Variants in PRMT3 observed in about 807,000 individuals in gnomAD.
The protein encoded by PRMT3 is protein arginine N-methyltransferase 3.
PRMT3 carries 62 observed loss-of-function variants against 71.9 expected under a neutral mutation model. The observed-to-expected ratio is 0.86, with a 90% CI of 0.70 to 1.07. The LOEUF (loss-of-function observed/expected upper bound fraction) is 1.07. PRMT3 is among the 50% of genes least tolerant of loss of function. PRMT3 has a pLI of 0.00. For missense variants in PRMT3, 663 were observed against 643.0 expected, an observed-to-expected ratio of 1.03 and a Z score of -0.34; for synonymous variants, 213 against 220.4, an observed-to-expected ratio of 0.97 and a Z score of 0.30.
intron 9 of PRMT3, among the ~76,000 whole-genome samples, chr11:20,416,123 C>G (rs1223764022): frequency 6.6e-6 from 1 of 152,150 alleles, no homozygotes; most frequent in African/African-American, 2.4e-5. Context: ...ATTAATGCAT[C>G]TGCACTTAAC....
At chr11:20,488,542 C>T (rs1851133784) in intron 13 of PRMT3, among the ~76,000 whole-genome samples, 1 of 152,118 alleles carries the variant, frequency 6.6e-6, no homozygotes. Context: ...ATCAAAAGCA[C>T]ATTATCCTCC....
chr11:20,442,191 G>A (rs1002177750), intron 10 of PRMT3, among the ~76,000 whole-genome samples: 1 of 151,998 alleles, frequency 6.6e-6, no homozygotes, highest in African/African-American at 2.4e-5. Context: ...TATCTCATAA[G>A]AAATGTACAG....
At chr11:20,388,363 A>G (rs1005371894) in intron 2 of PRMT3, among the ~76,000 whole-genome samples, 1 of 152,242 alleles carries the variant, frequency 6.6e-6, no homozygotes, top group Non-Finnish European at 1.5e-5. Context: ...TTGTACTGCA[A>G]GCTTTTGACT....
In PRMT3 at chr11:20,471,903, A is replaced by AAG. The variant is rs1403906928; in HGVS notation, c.1347+7360_1347+7361dup. Among the ~76,000 whole-genome samples, 6 of 152,014 alleles carry AAG rather than the reference A, an allele frequency of 3.9e-5. No individual in the cohort carries two copies. The South Asian group carries it at 1.2e-3, about 32-fold the overall frequency. On this transcript the variant is annotated intron_variant, in intron 13 of 15. Transcript: ENST00000331079. Reference sequence around the variant, plus strand: ...GAGCAGTGGTTTGCAGTTCTCCTTGAAGAGGTCCTTCACTTCCCTCGTTAG... The same window carrying AAG: ...GAGCAGTGGTTTGCAGTTCTCCTTGAAGAGAGGTCCTTCACTTCCCTCGTTAG...
intron 7 of PRMT3, among the ~76,000 whole-genome samples, chr11:20,400,183 G>T (rs1848917825): frequency 6.6e-6 from 1 of 152,138 alleles, no homozygotes; most frequent in Non-Finnish European, 1.5e-5. Context: ...ATTTAAAATT[G>T]AGAAATCATA....
intron 13 of PRMT3, among the ~76,000 whole-genome samples, chr11:20,475,652 C>CTTTTTT (rs59969495): frequency 4.0e-5 from 4 of 100,546 alleles, no homozygotes; most frequent in African/African-American, 1.1e-4. Flanking sequence ...TACTTAATGT[C>CTTTTTT]TTTTTTTTTT....
intron 15 of PRMT3, among the ~76,000 whole-genome samples, chr11:20,505,542 A>G (rs1416917251): frequency 2.6e-5 from 4 of 152,220 alleles, no homozygotes; most frequent in Non-Finnish European, 5.9e-5. Flanking sequence ...CCAAGTTGGC[A>G]ATTACTATTC....
chr11:20,439,660 GATA>G (rs1269813259), intron 10 of PRMT3, among the ~76,000 whole-genome samples: 3 of 152,178 alleles, frequency 2.0e-5, no homozygotes, highest in Non-Finnish European at 4.4e-5. Context: ...AGTAAGTGGA[GATA>G]ATATTACCAT....
In PRMT3 at chr11:20,440,762, G is replaced by A. The variant is rs117663740; in HGVS notation, c.994-11368G>A. Reference sequence around the variant, plus strand: ...GAAGCATCCACTGAGTACTTACTGTGTCCCAAGCACTGGTTACTGTTGTGT... The same window carrying A: ...GAAGCATCCACTGAGTACTTACTGTATCCCAAGCACTGGTTACTGTTGTGT... On this transcript the variant is annotated intron_variant, in intron 10 of 15. Coordinates refer to ENST00000331079, the MANE Select transcript of PRMT3 (RefSeq NM_005788.4). Among the ~76,000 whole-genome samples the A allele has an allele frequency of 1.6e-3, 250 of 152,148 alleles. 4 individuals are homozygous for A. In the East Asian group the frequency reaches 0.037, roughly 23 times the overall value.
chr11:20,452,137 T>G lies in PRMT3; in HGVS notation c.1001T>G (p.Phe334Cys). The stretch of plus-strand genomic sequence containing the variant: ...TCCCCTTTTTTTATGCAGGGCTATT[T>G]TCTTCTGTTTGAGTCTATGTTAGAT... ...DVIISEWMGY[F>C]LLFESMLDSV... Residue 334 changes from phenylalanine to cysteine, a missense_variant, in exon 11 of 16, where the codon TTT becomes TGT. Physicochemically the swap from Phe to Cys is radical, Grantham distance 205. Coordinates refer to ENST00000331079, the MANE Select transcript of PRMT3 (RefSeq NM_005788.4). 6.2e-7 allele frequency: 1 copy of G among 1,605,216 alleles called. No homozygotes were observed. The highest frequency in any genetic ancestry group is 8.5e-7 in the Non-Finnish European group (1 of 1,172,606).
chr11:20,388,422 G>C (rs1226970956), intron 2 of PRMT3, among the ~76,000 whole-genome samples: 1 of 152,220 alleles, frequency 6.6e-6, no homozygotes, highest in African/African-American at 2.4e-5. Flanking sequence ...TTGAGACGCT[G>C]AAAACAAAAT....
At position 20,508,328 on chromosome 11, in the gene PRMT3, C is replaced by T. The variant is rs770522015; in HGVS notation, c.1511C>T (p.Thr504Ile). 5 of 1,609,878 alleles carry T rather than the reference C, an allele frequency of 3.1e-6. No individual in the cohort carries two copies. In the Admixed American group the frequency reaches 6.7e-5, roughly 21 times the overall value. Residue 504 changes from threonine to isoleucine, a missense_variant, in exon 16 of 16, where the codon ACA becomes ATA. Physicochemically the swap from Thr to Ile is moderately conservative, Grantham distance 89. Coordinates refer to ENST00000331079, the MANE Select transcript of PRMT3 (RefSeq NM_005788.4). ...KAGEALKGKV[T>I]VHKNKKDPRS... is the part of the protein sequence containing the mutation. ...GGTGAAGCCTTGAAAGGAAAGGTCA[C>T]AGTTCACAAGAATAAGAAAGATCCA... is the stretch of plus-strand genomic sequence containing the variant.
chr11:20,398,557 A>C (rs1848882189), intron 7 of PRMT3, among the ~76,000 whole-genome samples: 1 of 152,158 alleles, frequency 6.6e-6, no homozygotes. Flanking sequence ...GGTTCACGCC[A>C]TTCTCTTGCC....
intron 5 of PRMT3, 57 bp from the exon 6 acceptor site, chr11:20,395,746 T>A (rs1169780460): frequency 1.3e-6 from 2 of 1,518,072 alleles, no homozygotes; most frequent in Non-Finnish European, 1.8e-6. Flanking sequence ...CTAACATATT[T>A]ATACTTGTTT....
intron 9 of PRMT3, among the ~76,000 whole-genome samples, chr11:20,418,571 A>G (rs1166213284): frequency 6.6e-6 from 1 of 152,220 alleles, no homozygotes; most frequent in Non-Finnish European, 1.5e-5. Flanking sequence ...GGTCTTTTAC[A>G]GAACACAGAT....
intron 8 of PRMT3, 163 bp from the exon 9 acceptor site, chr11:20,407,748 G>C: frequency 3.7e-6 from 2 of 542,222 alleles, no homozygotes; most frequent in Non-Finnish European, 6.1e-6. Context: ...CAGCACTTTG[G>C]GAGGCCAAAG....
chr11:20,443,791 G>A (rs998864170), intron 10 of PRMT3, among the ~76,000 whole-genome samples: 3 of 152,172 alleles, frequency 2.0e-5, no homozygotes, highest in Non-Finnish European at 4.4e-5. Flanking sequence ...TCAGTCTTTT[G>A]TTGATTAAGT....
At chr11:20,391,218 A>G (rs1023904164) in intron 3 of PRMT3, among the ~76,000 whole-genome samples, 3 of 152,198 alleles carry the variant, frequency 2.0e-5, no homozygotes, top group Admixed American at 6.5e-5. Flanking sequence ...TAAGGCATAA[A>G]TGACAGCCTC....
chr11:20,464,598 G>T, intron 13 of PRMT3, 52 bp downstream of exon 13: 1 of 1,599,668 alleles, frequency 6.3e-7, no homozygotes, highest in South Asian at 1.1e-5. Flanking sequence ...GCAGTTGATT[G>T]GCAGGCTAAT....
Sources: gnomAD v4.1 joint callset for allele counts (sites outside exome capture counted in the v4.1 genomes callset) on GRCh38, gnomAD v4.1.1 for gene constraint, MANE v1.5 for transcripts, NCBI Gene and HGNC (gene_info 2026-07-23, HGNC 2026-07-21) for gene names.